The following LMOD2 variants were observed in gnomAD, a reference collection of about 807,000 sequenced individuals.
LMOD2 encodes leiomodin 2, also known as leiomodin-2.
A neutral mutation model predicts 41.7 loss-of-function variants in LMOD2; 27 were observed. That is an observed-to-expected ratio of 0.65 (90% CI 0.48 to 0.89). The LOEUF is 0.89. Ranked by LOEUF, LMOD2 falls within the 40% of genes least tolerant of loss-of-function variation. LMOD2 has a pLI of 0.00. For missense variants in LMOD2, 624 were observed against 667.9 expected, an observed-to-expected ratio of 0.93 and a Z score of 0.72; for synonymous variants, 251 against 244.6, an observed-to-expected ratio of 1.03 and a Z score of -0.25.
intron 1 of LMOD2, among the ~76,000 whole-genome samples, chr7:123,660,767 AAG>A: frequency 6.6e-6 from 1 of 152,038 alleles, no homozygotes; most frequent in African/African-American, 2.4e-5. Context: ...TAGCAAGAAA[AAG>A]AGAAACAAGG....
intron 1 of LMOD2, among the ~76,000 whole-genome samples, chr7:123,661,518 C>T (rs1010015602): frequency 2.0e-5 from 3 of 152,198 alleles, no homozygotes; most frequent in African/African-American, 7.2e-5. Flanking sequence ...CAGTAAGAGT[C>T]GGTCCTCAGG....
At chr7:123,663,661 A>T in intron 2 of LMOD2, 58 bp from the exon 3 acceptor site, 3 of 1,444,154 alleles carry the variant, frequency 2.1e-6, no homozygotes, top group Non-Finnish European at 2.9e-6. Flanking sequence ...TATCCTACAG[A>T]TATTTTTCAC....
At chr7:123,663,647 G>C in intron 2 of LMOD2, 72 bp from the exon 3 acceptor site, 1 of 1,281,208 alleles carries the variant, frequency 7.8e-7, no homozygotes, top group Admixed American at 2.0e-5. Flanking sequence ...TACTGCTAGA[G>C]ACATATCCTA....
rs796557018 is a variant in LMOD2, at chr7:123,663,142, G to A, written c.1556G>A (p.Arg519Lys). The change falls in exon 2 of 3, where the codon AGA becomes AAA. Residue 519 changes from arginine (R) to lysine (K), a missense_variant. Coordinates refer to ENST00000458573, the MANE Select transcript of LMOD2 (RefSeq NM_207163.3). ...EDSSRPSTPQ[R>K]SAHENLMEAI... ...AGTTCCCGACCTTCTACCCCACAGA[G>A]ATCAGCTCATGAGAATCTCATGGAA... 6 of 1,570,142 alleles carry A rather than the reference G, an allele frequency of 3.8e-6. No individual in the cohort carries two copies. The African/African-American group carries it at 5.4e-5, about 14-fold the overall frequency.
In LMOD2 at chr7:123,663,058, G is replaced by A. The variant is rs1249253353; in HGVS notation, c.1472G>A (p.Ser491Asn). The change falls in exon 2 of 3, where the codon AGT becomes AAT. Residue 491 changes from serine to asparagine, a missense_variant. Ser to Asn is a conservative substitution (Grantham distance 46, BLOSUM62 1). Transcript: ENST00000458573. ...KGKKVKKQPNSILKEIKNSLR... is the reference protein window; with the variant it reads ...KGKKVKKQPNNILKEIKNSLR... ...AAAAAGGTCAAGAAACAGCCAAACA[G>A]TATTCTAAAGGAAATAAAAAATTCT... 6.4e-7 allele frequency: 1 copy of A among 1,556,774 alleles called. No homozygotes were observed. The highest frequency in any genetic ancestry group is 8.7e-7 in the Non-Finnish European group (1 of 1,150,072).
Position 123,662,810 on chromosome 7 carries a change from G to C in LMOD2, c.1224G>C (p.Gln408His). The change falls in exon 2 of 3, where the codon CAG (glutamine) becomes CAC (histidine). Residue 408 changes from glutamine to histidine, a missense_variant. Coordinates refer to ENST00000458573, the MANE Select transcript of LMOD2 (RefSeq NM_207163.3). The surrounding 1 kb of genome is among the most constrained non-coding windows in gnomAD (Gnocchi z 4.0). ...CCCCAAAACTCCCCAAAAAAGTCCA[G>C]ACTGTGAGGAGCCGTCCTCTGTCTC... ...WSSPKLPKKV[Q>H]TVRSRPLSPV... 1 of 1,613,208 alleles carries C rather than the reference G, an allele frequency of 6.2e-7. No individual in the cohort carries two copies. The highest frequency in any genetic ancestry group is 8.5e-7 in the Non-Finnish European group (1 of 1,179,744).
At position 123,656,029 on chromosome 7, in the gene LMOD2, C is replaced by T. The variant is rs768262890; in HGVS notation, c.66C>T (p.Leu22=). 10 of 1,610,044 alleles carry T rather than the reference C, an allele frequency of 6.2e-6. No homozygotes were observed. The highest frequency in any genetic ancestry group is 4.5e-5 in the East Asian group (2 of 44,658). Residue 22 remains leucine (L), a synonymous_variant, in exon 1 of 3, where the codon CTC becomes CTT. Transcript: ENST00000458573. ...AATCCATCGACGAGGATGAACTCCT[C>T]GCCTCCCTGTCAGCCGAGGAGCTGA... ...KYESIDEDEL[L]ASLSAEELKE...
Position 123,662,965 on chromosome 7 carries a change from C to G in LMOD2, c.1379C>G (p.Ala460Gly). 1 of 1,552,486 alleles carries G rather than the reference C, an allele frequency of 6.4e-7. No homozygotes were observed. The change falls in exon 2 of 3, where the codon GCA becomes GGA. Residue 460 changes from alanine to glycine, a missense_variant. By Grantham distance (60) the Ala-to-Gly change is moderately conservative. Coordinates refer to ENST00000458573, the MANE Select transcript of LMOD2 (RefSeq NM_207163.3). The surrounding 1 kb of genome is among the most constrained non-coding windows in gnomAD (Gnocchi z 4.0). ...AAAAAGCTCATTACCAGAAACATTGCAGAAGTCATCAAACAACAGGAGAGT... is the reference window on the plus strand; with the variant it reads ...AAAAAGCTCATTACCAGAAACATTGGAGAAGTCATCAAACAACAGGAGAGT... ...PEKKLITRNI[A>G]EVIKQQESAQ...
At position 123,662,847 on chromosome 7, in the gene LMOD2, C is replaced by G; in HGVS notation, c.1261C>G (p.Pro421Ala). 6.3e-7 allele frequency: 1 copy of G among 1,594,214 alleles called. No individual in the cohort carries two copies. The highest frequency in any genetic ancestry group is 1.1e-5 in the South Asian group (1 of 89,310). ...RSRPLSPVAT[P>A]PPPPPPPPPP... ...CCGTCCTCTGTCTCCTGTGGCCACACCTCCTCCTCCTCCCCCTCCTCCTCC... is the reference window on the plus strand; with the variant it reads ...CCGTCCTCTGTCTCCTGTGGCCACAGCTCCTCCTCCTCCCCCTCCTCCTCC... Residue 421 changes from proline (P) to alanine (A), a missense_variant, in exon 2 of 3, where the codon CCT becomes GCT. Physicochemically the swap from Pro to Ala is conservative, Grantham distance 27. Transcript: ENST00000458573. The surrounding 1 kb of genome is among the most constrained non-coding windows in gnomAD (Gnocchi z 4.0).
rs1221606563 is a variant in LMOD2, at chr7:123,662,251, A to T, written c.665A>T (p.Glu222Val). Residue 222 changes from glutamate to valine, a missense_variant, in exon 2 of 3, where the codon GAG becomes GTG. Coordinates refer to ENST00000458573, the MANE Select transcript of LMOD2 (RefSeq NM_207163.3). The surrounding 1 kb of genome is among the most constrained non-coding windows in gnomAD (Gnocchi z 4.0). ...DTTEVNLNNI[E>V]NITTQTLTRF... ...ACAGAAGTCAATTTGAACAACATTG[A>T]GAACATCACAACACAGACCCTTACC... 3.1e-6 allele frequency: 5 copies of T among 1,613,910 alleles called. No homozygotes were observed. The African/African-American group carries it at 6.7e-5, about 22-fold the overall frequency.
chr7:123,664,269 A>C lies in LMOD2; in HGVS notation c.*524A>C, dbSNP rs3815458. ...TAACATTACTGGACATTAAAAAAAAATATTACATTCTCACCCAAAAAGGGT... is the reference window on the plus strand; with the variant it reads ...TAACATTACTGGACATTAAAAAAAACTATTACATTCTCACCCAAAAAGGGT... On this transcript the variant is annotated 3_prime_UTR_variant, in exon 3 of 3. Coordinates refer to ENST00000458573, the MANE Select transcript of LMOD2 (RefSeq NM_207163.3). 6.6e-6 allele frequency: 1 copy of C among 151,978 alleles called. No individual in the cohort carries two copies. Among genetic ancestry groups the C allele is most frequent in the Non-Finnish European group, 1.5e-5 (1 of 68,064 alleles). 9.4% of individuals were successfully genotyped at this position (151,978 alleles called of 1,614,324 possible). A position where few individuals can be genotyped will look rare whatever the true frequency, so the allele number is the denominator to read the frequency against.
At chr7:123,656,348 A>T in intron 1 of LMOD2, 112 bp downstream of exon 1, 1 of 1,175,334 alleles carries the variant, frequency 8.5e-7, no homozygotes, top group Non-Finnish European at 1.2e-6. Flanking sequence ...ATTTTCCTAT[A>T]ACCCATTTAT....
At position 123,662,887 on chromosome 7, in the gene LMOD2, C is replaced by T. The variant is rs768989273; in HGVS notation, c.1301C>T (p.Ser434Phe). Residue 434 changes from serine (S) to phenylalanine (F), a missense_variant, in exon 2 of 3, where the codon TCT (serine) becomes TTT (phenylalanine). Ser to Phe is a radical substitution (Grantham distance 155). Transcript: ENST00000458573. The surrounding 1 kb of genome is among the most constrained non-coding windows in gnomAD (Gnocchi z 4.0). ...CCTCCTCCTCCTCCTCCCCCTCCTT[C>T]TTCCCAAAGGCTGCCACCACCTCCT... ...PPPPPPPPPPSSQRLPPPPPP... is the reference protein window; with the variant it reads ...PPPPPPPPPPFSQRLPPPPPP... The T allele has an allele frequency of 2.9e-6, 4 of 1,373,262 alleles. No individual in the cohort carries two copies. The highest frequency in any genetic ancestry group is 3.9e-6 in the Non-Finnish European group (4 of 1,031,098). 85.1% of individuals were successfully genotyped at this position (1,373,262 alleles called of 1,614,324 possible). A position where few individuals can be genotyped will look rare whatever the true frequency, so the allele number is the denominator to read the frequency against.
chr7:123,657,487 G>A (rs1445542299), intron 1 of LMOD2, among the ~76,000 whole-genome samples: 1 of 152,126 alleles, frequency 6.6e-6, no homozygotes, highest in East Asian at 1.9e-4. Context: ...TCTGGCCAGG[G>A]TCTGCCAAGG....
chr7:123,663,662 T>C, intron 2 of LMOD2, 57 bp from the exon 3 acceptor site: 1 of 1,451,924 alleles, frequency 6.9e-7, no homozygotes, highest in Non-Finnish European at 9.5e-7. Flanking sequence ...ATCCTACAGA[T>C]ATTTTTCACT....
chr7:123,661,779 G>A (rs1802877246), intron 1 of LMOD2, 81 bp from the exon 2 acceptor site: 1 of 867,074 alleles, frequency 1.2e-6, no homozygotes, highest in Non-Finnish European at 1.7e-6. Flanking sequence ...CACTTGCCAT[G>A]TGCTACTTTT....
At chr7:123,656,288 C>T (rs1802786740) in intron 1 of LMOD2, 52 bp downstream of exon 1, 5 of 1,525,140 alleles carry the variant, frequency 3.3e-6, no homozygotes, top group Non-Finnish European at 1.8e-6. Flanking sequence ...ATCACCCCAT[C>T]CCAAACCCAG....
At position 123,662,954 on chromosome 7, in the gene LMOD2, C is replaced by G. The variant is rs1314067049; in HGVS notation, c.1368C>G (p.Thr456=). 6.4e-7 allele frequency: 1 copy of G among 1,553,250 alleles called. No individual in the cohort carries two copies. The highest frequency in any genetic ancestry group is 1.4e-5 in the African/African-American group (1 of 72,830). Residue 456 remains threonine, a synonymous_variant, in exon 2 of 3, where the codon ACC becomes ACG. Coordinates refer to ENST00000458573, the MANE Select transcript of LMOD2 (RefSeq NM_207163.3). This position sits in a 1 kb window ranked among gnomAD's most constrained non-coding sequence, Gnocchi z 4.0. ...PPPLPEKKLI[T]RNIAEVIKQQ... is the part of the protein sequence containing the mutation. ...CACTCCCAGAGAAAAAGCTCATTACCAGAAACATTGCAGAAGTCATCAAAC... is the reference window on the plus strand; with the variant it reads ...CACTCCCAGAGAAAAAGCTCATTACGAGAAACATTGCAGAAGTCATCAAAC...
intron 1 of LMOD2, among the ~76,000 whole-genome samples, chr7:123,658,929 G>A (rs1802832546): frequency 6.6e-6 from 1 of 152,160 alleles, no homozygotes; most frequent in East Asian, 1.9e-4. Flanking sequence ...CTTAAGAACC[G>A]CTCAACTACA....
Sources: gnomAD v4.1 joint callset for allele counts (sites outside exome capture counted in the v4.1 genomes callset) on GRCh38, gnomAD v4.1.1 for gene constraint, Gnocchi (gnomAD v3.1) non-coding constraint, MANE v1.5 for transcripts, NCBI Gene and HGNC (gene_info 2026-07-23, HGNC 2026-07-21) for gene names.